Variants in FAAP24 observed in about 807,000 individuals in gnomAD.
The protein encoded by FAAP24 is Fanconi anemia core complex-associated protein 24.
FAAP24 carries 16 observed loss-of-function variants against 14.3 expected under a neutral mutation model. The ratio of observed to expected loss-of-function variants is 1.12; its 90% CI spans 0.76 to 1.69. The LOEUF is 1.69. Among genes scored for constraint, FAAP24 ranks in the 40% most tolerant of loss-of-function variants. The pLI, the probability that FAAP24 is intolerant of heterozygous loss-of-function variation, is 0.00. For missense variants in FAAP24, 234 were observed against 262.7 expected, an observed-to-expected ratio of 0.89 and a Z score of 0.75; for synonymous variants, 111 against 106.2, an observed-to-expected ratio of 1.04 and a Z score of -0.28.
Position 32,977,715 on chromosome 19 carries a change from T to A in FAAP24, c.*1033T>A, listed in dbSNP as rs1410914765. 5 of 318,198 alleles carry A rather than the reference T, an allele frequency of 1.6e-5. No homozygotes were observed. The highest frequency in any genetic ancestry group is 2.8e-5 in the Non-Finnish European group (5 of 176,524). The allele number at this position is 318,198 out of a possible 1,614,324, so 19.7% of individuals were successfully genotyped here. On this transcript the variant is annotated 3_prime_UTR_variant, in exon 5 of 5. Coordinates refer to ENST00000588258, the MANE Select transcript of FAAP24 (RefSeq NM_152266.5). ...GGGGGTGAATCACAAGGTCAGGAGA[T>A]CCAGACCATCCTGGCCGACATGGTG... is the stretch of plus-strand genomic sequence containing the variant.
intron 3 of FAAP24, 99 bp from the exon 4 acceptor site, chr19:32,973,961 A>G: frequency 8.4e-7 from 1 of 1,190,468 alleles, no homozygotes; most frequent in Admixed American, 2.0e-5. Flanking sequence ...GGTATCATTT[A>G]TTTAAAATCA....
chr19:32,977,662 T>C lies in FAAP24; in HGVS notation c.*980T>C. 1 of 380,616 alleles carries C rather than the reference T, an allele frequency of 2.6e-6. No individual in the cohort carries two copies. 23.6% of individuals were successfully genotyped at this position (380,616 alleles called of 1,614,324 possible). On this transcript the variant is annotated 3_prime_UTR_variant, in exon 5 of 5. Coordinates refer to ENST00000588258, the MANE Select transcript of FAAP24 (RefSeq NM_152266.5). ...ACGGCCGGGCATAGTGGCTCACACCTGTAATCCCAGCACTTTGGGAGGCCA... is the reference window on the plus strand; with the variant it reads ...ACGGCCGGGCATAGTGGCTCACACCCGTAATCCCAGCACTTTGGGAGGCCA...
chr19:32,974,985 T>A (rs1319839796), intron 4 of FAAP24, among the ~76,000 whole-genome samples: 1 of 151,146 alleles, frequency 6.6e-6, no homozygotes. Flanking sequence ...AAGCCATTCT[T>A]CTGCCTCAGC....
chr19:32,976,405 G>T, intron 4 of FAAP24, 26 bp from the exon 5 acceptor site: 1 of 1,593,694 alleles, frequency 6.3e-7, no homozygotes, highest in East Asian at 2.2e-5. Context: ...GGGCGCTCAC[G>T]TGCTGTTGCT....
chr19:32,976,091 C>A (rs955539054), intron 4 of FAAP24, among the ~76,000 whole-genome samples: 1 of 152,178 alleles, frequency 6.6e-6, no homozygotes, highest in Non-Finnish European at 1.5e-5. Context: ...GCAGCTCCTG[C>A]GTGAAGTAGG....
intron 3 of FAAP24, among the ~76,000 whole-genome samples, 194 bp from the exon 4 acceptor site, chr19:32,973,866 A>G (rs1289180956): frequency 6.6e-6 from 1 of 152,192 alleles, no homozygotes. Flanking sequence ...AAAAACAAAA[A>G]ACAAAAACAA....
intron 4 of FAAP24, among the ~76,000 whole-genome samples, chr19:32,975,221 G>A (rs966132101): frequency 2.0e-5 from 3 of 149,462 alleles, no homozygotes; most frequent in African/African-American, 7.5e-5. Flanking sequence ...TCCAGCTGGA[G>A]TGCAGTGGTG....
In FAAP24 at chr19:32,977,731, C is replaced by T. The variant is rs538570648; in HGVS notation, c.*1049C>T. 1.7e-4 allele frequency: 49 copies of T among 288,282 alleles called. No homozygotes were observed. The highest frequency in any genetic ancestry group is 1.1e-3 in the Admixed American group (21 of 19,096). The allele number at this position is 288,282 out of a possible 1,614,324, so 17.9% of individuals were successfully genotyped here. A position where few individuals can be genotyped will look rare whatever the true frequency, so the allele number is the denominator to read the frequency against. ...GTCAGGAGATCCAGACCATCCTGGC[C>T]GACATGGTGAAGCCCTGTCTCTACT... On this transcript the variant is annotated 3_prime_UTR_variant, in exon 5 of 5. Coordinates refer to ENST00000588258, the MANE Select transcript of FAAP24 (RefSeq NM_152266.5).
At chr19:32,973,652 G>C in intron 3 of FAAP24, 90 bp downstream of exon 3, 5 of 1,366,460 alleles carry the variant, frequency 3.7e-6, no homozygotes, top group Non-Finnish European at 5.1e-6. Context: ...GTCAGTAGTT[G>C]GAGACCAGCC....
In FAAP24 at chr19:32,973,466, CTTTT is replaced by C. The variant is rs1971470938; in HGVS notation, c.148_151del (p.Phe50IlefsTer39). The C allele has an allele frequency of 2.5e-6, 4 of 1,614,100 alleles. No homozygotes were observed. The highest frequency in any genetic ancestry group is 2.5e-6 in the Non-Finnish European group (3 of 1,180,042). On this transcript the variant is annotated frameshift_variant, in exon 3 of 5. Coordinates refer to ENST00000588258, the MANE Select transcript of FAAP24 (RefSeq NM_152266.5). LOFTEE classifies it high-confidence loss of function. ...TTTTCGAGGATGGCTTGACACCAGACTTTTATCTGTCGAACAGATGCTGCATTCT... is the reference window on the plus strand; with the variant it reads ...TTTTCGAGGATGGCTTGACACCAGACATCTGTCGAACAGATGCTGCATTCT...
At chr19:32,975,946 A>G (rs1971511163) in intron 4 of FAAP24, among the ~76,000 whole-genome samples, 1 of 152,194 alleles carries the variant, frequency 6.6e-6, no homozygotes, top group Non-Finnish European at 1.5e-5. Flanking sequence ...GCAAGCAGCC[A>G]TGAATGGTTC....
At position 32,974,081 on chromosome 19, in the gene FAAP24, G is replaced by A. The variant is rs1215714795; in HGVS notation, c.265G>A (p.Val89Ile). ...CAAGTCCAATAATCTTAAAGGAATT[G>A]TAGTCGTTGAAAAAACCCGGATGAG... ...VRNSNNLKGI[V>I]VVEKTRMSEQ... Residue 89 changes from valine to isoleucine, a missense_variant, in exon 4 of 5, where the codon GTA (valine) becomes ATA (isoleucine). By Grantham distance (29) the Val-to-Ile change is conservative. Transcript: ENST00000588258. 4 of 1,613,886 alleles carry A rather than the reference G, an allele frequency of 2.5e-6. No homozygotes were observed. The African/African-American group carries it at 5.3e-5, about 22-fold the overall frequency.
chr19:32,973,609 CTT>C (rs774129269), intron 3 of FAAP24, 47 bp downstream of exon 3: 1 of 1,602,534 alleles, frequency 6.2e-7, no homozygotes, highest in South Asian at 1.1e-5. Flanking sequence ...AATCCCAGCA[CTT>C]TGGGAGGCCA....
intron 4 of FAAP24, 50 bp from the exon 5 acceptor site, chr19:32,976,381 G>A: frequency 6.5e-7 from 1 of 1,548,514 alleles, no homozygotes; most frequent in South Asian, 1.2e-5. Flanking sequence ...TAAGAAAACG[G>A]CCAGTCCTCC....
rs1599799807 is a variant in FAAP24, at chr19:32,976,448, A to C, written c.414A>C (p.Lys138Asn). The C allele has an allele frequency of 6.2e-7, 1 of 1,613,868 alleles. No homozygotes were observed. Among genetic ancestry groups the C allele is most frequent in the Non-Finnish European group, 8.5e-7 (1 of 1,179,848 alleles). The change falls in exon 5 of 5, where the codon AAA (lysine) becomes AAC (asparagine). Residue 138 changes from lysine to asparagine, a missense_variant. Coordinates refer to ENST00000588258, the MANE Select transcript of FAAP24 (RefSeq NM_152266.5). ...TGGTTCAGGTTCAAGAGCAAACCAA[A>C]GAGCCCAGTAAGAACCCTCTTCTCG... ...LVIQLVQEQTKEPSKNPLLGK... is the reference protein window; with the variant it reads ...LVIQLVQEQTNEPSKNPLLGK...
chr19:32,974,312 C>G lies in FAAP24; in HGVS notation c.396+100C>G, dbSNP rs1971489120. The G allele has an allele frequency of 2.9e-6, 4 of 1,383,336 alleles. No individual in the cohort carries two copies. The South Asian group carries it at 4.3e-5, about 15-fold the overall frequency. 85.7% of individuals were successfully genotyped at this position (1,383,336 alleles called of 1,614,324 possible). A position where few individuals can be genotyped will look rare whatever the true frequency, so the allele number is the denominator to read the frequency against. On this transcript the variant is annotated intron_variant, in intron 4 of 4. Coordinates refer to ENST00000588258, the MANE Select transcript of FAAP24 (RefSeq NM_152266.5). ...CAATCCAATCTATGTCATTCTCTGA[C>G]TTGGTTTATAAAATCTCTTCGAGGA...
In FAAP24 at chr19:32,976,538, A is replaced by G. The variant is rs780453646; in HGVS notation, c.504A>G (p.Gly168=). The G allele has an allele frequency of 6.2e-7, 1 of 1,614,154 alleles. No homozygotes were observed. Among genetic ancestry groups the G allele is most frequent in the Non-Finnish European group, 8.5e-7 (1 of 1,180,040 alleles). The change falls in exon 5 of 5, where the codon GGA becomes GGG. Residue 168 remains glycine, a synonymous_variant. Transcript: ENST00000588258. ...TTCGAACCGTGCAGCAGATCCCAGG[A>G]GTTGGAAAAGTTAAAGCTCCCCTTC... ...SLLRTVQQIP[G]VGKVKAPLLL... is the part of the protein sequence containing the mutation.
chr19:32,977,486 C>A lies in FAAP24; in HGVS notation c.*804C>A. On this transcript the variant is annotated 3_prime_UTR_variant, in exon 5 of 5. Coordinates refer to ENST00000588258, the MANE Select transcript of FAAP24 (RefSeq NM_152266.5). Reference sequence around the variant, plus strand: ...GGCTGTTTCCAATGTAAATAAATAACTGCGCAACAGTTCCTTCCTCCTTTC... The same window carrying A: ...GGCTGTTTCCAATGTAAATAAATAAATGCGCAACAGTTCCTTCCTCCTTTC... 2 of 398,584 alleles carry A rather than the reference C, an allele frequency of 5.0e-6. No individual in the cohort carries two copies. Among genetic ancestry groups the A allele is most frequent in the Non-Finnish European group, 8.8e-6 (2 of 226,082 alleles). The allele number at this position is 398,584 out of a possible 1,614,324, so 24.7% of individuals were successfully genotyped here.
intron 4 of FAAP24, among the ~76,000 whole-genome samples, chr19:32,974,785 A>G (rs1971494265): frequency 6.6e-6 from 1 of 152,198 alleles, no homozygotes; most frequent in South Asian, 2.1e-4. Flanking sequence ...CTTTGTCTCA[A>G]AAAAAGAAAG....
Sources: gnomAD v4.1 joint callset for allele counts (sites outside exome capture counted in the v4.1 genomes callset) on GRCh38, gnomAD v4.1.1 for gene constraint, MANE v1.5 for transcripts, NCBI Gene and HGNC (gene_info 2026-07-23, HGNC 2026-07-21) for gene names.